TBC1D32: variants seen among roughly 807,000 people sequenced by gnomAD.
TBC1D32 encodes the protein TBC1 domain family member 32.
A neutral mutation model predicts 170.3 loss-of-function variants in TBC1D32; 151 were observed. The ratio of observed to expected loss-of-function variants is 0.89; its 90% CI spans 0.78 to 1.01. The LOEUF (loss-of-function observed/expected upper bound fraction) is 1.01. TBC1D32 is among the 50% of genes least tolerant of loss of function. The pLI is 0.00. For synonymous variants in TBC1D32, 498 were observed against 488.0 expected, an observed-to-expected ratio of 1.02 and a Z score of -0.27; for missense variants, 1,464 against 1,457.1, an observed-to-expected ratio of 1.00 and a Z score of -0.08.
At chr6:121,109,519 T>C (rs888933389) in intron 29 of TBC1D32, among the ~76,000 whole-genome samples, 1 of 152,156 alleles carries the variant, frequency 6.6e-6, no homozygotes, top group Non-Finnish European at 1.5e-5. Context: ...ATTTCTACTA[T>C]GAAAATAATT....
At chr6:121,212,550 G>A (rs959808842) in intron 21 of TBC1D32, among the ~76,000 whole-genome samples, 1 of 150,038 alleles carries the variant, frequency 6.7e-6, no homozygotes, top group Non-Finnish European at 1.5e-5. Context: ...TGCCTCCCAG[G>A]TTCAAGCAAT....
chr6:121,112,683 T>C (rs761845055), intron 28 of TBC1D32, 24 bp from the exon 29 acceptor site: 2 of 1,512,234 alleles, frequency 1.3e-6, no homozygotes, highest in South Asian at 2.9e-5. Flanking sequence ...TTAAGAAAAC[T>C]TTACAATATT....
intron 31 of TBC1D32, among the ~76,000 whole-genome samples, chr6:121,086,273 G>A (rs1776265694): frequency 1.3e-5 from 2 of 152,076 alleles, no homozygotes; most frequent in Admixed American, 1.3e-4. Flanking sequence ...ATGTACTCGA[G>A]CTCACACAGT....
intron 22 of TBC1D32, among the ~76,000 whole-genome samples, chr6:121,196,228 C>T (rs528805534): frequency 3.3e-5 from 5 of 152,300 alleles, no homozygotes; most frequent in Admixed American, 1.3e-4. Flanking sequence ...AAAGTGGCCA[C>T]TGTGGCAGGG....
rs552300971 is a variant in TBC1D32, at chr6:121,267,012, C to T, written c.1734-10727G>A. Among the ~76,000 whole-genome samples, 3 of 150,312 alleles carry T rather than the reference C, an allele frequency of 2.0e-5. No individual in the cohort carries two copies. The South Asian group carries it at 6.3e-4, about 32-fold the overall frequency. ...TGATATGTGCAGCAAACCATCATGGCACACATTTACCTATGTAACAAACAT... is the reference window on the plus strand; with the variant it reads ...TGATATGTGCAGCAAACCATCATGGTACACATTTACCTATGTAACAAACAT... On this transcript the variant is annotated intron_variant, in intron 15 of 31. Transcript: ENST00000398212.
chr6:121,259,467 T>A (rs1024709676), intron 15 of TBC1D32, among the ~76,000 whole-genome samples: 1 of 152,188 alleles, frequency 6.6e-6, no homozygotes, highest in Non-Finnish European at 1.5e-5. Flanking sequence ...TTAGTCTTCC[T>A]AATTTTAAAA....
intron 4 of TBC1D32, among the ~76,000 whole-genome samples, chr6:121,308,882 G>A (rs1395425917): frequency 9.2e-5 from 14 of 151,854 alleles, no homozygotes; most frequent in Admixed American, 8.5e-4. Flanking sequence ...AATGAAGAAT[G>A]GAACAAAGCT....
chr6:121,249,368 C>T (rs573306116), intron 17 of TBC1D32, among the ~76,000 whole-genome samples: 12 of 151,754 alleles, frequency 7.9e-5, no homozygotes, highest in Middle Eastern at 6.8e-3. Flanking sequence ...CATAGAGAAT[C>T]GGAAAAAGTT....
chr6:121,240,384 T>TTA (rs1796811135), intron 19 of TBC1D32, among the ~76,000 whole-genome samples: 1 of 144,700 alleles, frequency 6.9e-6, no homozygotes, highest in African/African-American at 2.5e-5. Flanking sequence ...TTTTTTTTTT[T>TTA]TACCAAGAAA....
At chr6:121,229,522 TA>T (rs1795473516) in intron 20 of TBC1D32, among the ~76,000 whole-genome samples, 1 of 152,144 alleles carries the variant, frequency 6.6e-6, no homozygotes, top group Non-Finnish European at 1.5e-5. Context: ...CAGCTGAATC[TA>T]AAGGCTTGAT....
At chr6:121,147,930 T>TTTG (rs1277674699) in intron 24 of TBC1D32, among the ~76,000 whole-genome samples, 1 of 151,572 alleles carries the variant, frequency 6.6e-6, no homozygotes, top group Non-Finnish European at 1.5e-5. Flanking sequence ...TTTTTTTTTT[T>TTTG]TTTGAGAAGT....
At chr6:121,289,848 A>C (rs1804542246) in intron 12 of TBC1D32, among the ~76,000 whole-genome samples, 1 of 152,170 alleles carries the variant, frequency 6.6e-6, no homozygotes, top group Admixed American at 6.5e-5. Context: ...AATGCCGCAT[A>C]TCTACAACCA....
Position 121,299,524 on chromosome 6 carries a change from G to T in TBC1D32, c.1081-19C>A, listed in dbSNP as rs372296297. ...GTGCATGCTAAAATTAAAAGGAAAT[G>T]ATATTTAATACTCAAGCTGTGCCAC... On this transcript the variant is annotated intron_variant, in intron 9 of 31. Coordinates refer to ENST00000398212, the MANE Select transcript of TBC1D32 (RefSeq NM_152730.6). 3.6e-5 allele frequency: 54 copies of T among 1,498,376 alleles called. No homozygotes were observed. The highest frequency in any genetic ancestry group is 4.3e-5 in the Non-Finnish European group (47 of 1,101,024). 92.8% of individuals were successfully genotyped at this position (1,498,376 alleles called of 1,614,324 possible). A position where few individuals can be genotyped will look rare whatever the true frequency, so the allele number is the denominator to read the frequency against.
chr6:121,329,155 A>G (rs1378177841), intron 1 of TBC1D32, among the ~76,000 whole-genome samples: 8 of 152,192 alleles, frequency 5.3e-5, no homozygotes, highest in Non-Finnish European at 1.0e-4. Context: ...GTAAAAGAAC[A>G]TTCACTTTTT....
chr6:121,125,386 G>A (rs750578095), intron 26 of TBC1D32, among the ~76,000 whole-genome samples: 5 of 152,162 alleles, frequency 3.3e-5, no homozygotes, highest in Admixed American at 6.5e-5. Context: ...ATGACTGTAA[G>A]CCCCAGATAG....
chr6:121,173,358 T>C (rs905025), intron 22 of TBC1D32, among the ~76,000 whole-genome samples: 107,088 of 151,946 alleles, frequency 0.7, 41,901 homozygotes, highest in Non-Finnish European at 0.87. Flanking sequence ...CACCTTATGA[T>C]TGCATGAGTC....
chr6:121,205,176 G>A lies in TBC1D32; in HGVS notation c.2482-13C>T. ...TATCAATAATATCCTGAAAAAGACA[G>A]ACAAAATGAGACTGTATTTAACTGA... On this transcript the variant is annotated splice_polypyrimidine_tract_variant and intron_variant, in intron 21 of 31. Transcript: ENST00000398212. The A allele has an allele frequency of 8.2e-7, 1 of 1,224,884 alleles. No individual in the cohort carries two copies. Among genetic ancestry groups the A allele is most frequent in the Non-Finnish European group, 1.1e-6 (1 of 877,138 alleles). 75.9% of individuals were successfully genotyped at this position (1,224,884 alleles called of 1,614,324 possible).
chr6:121,280,294 T>C (rs1213985529), intron 14 of TBC1D32, among the ~76,000 whole-genome samples: 2 of 151,842 alleles, frequency 1.3e-5, no homozygotes, highest in African/African-American at 4.8e-5. Flanking sequence ...TGTTTAAAGG[T>C]CTGTCTTGCC....
Position 121,304,576 on chromosome 6 carries a change from A to G in TBC1D32, c.819T>C (p.Thr273=). ...YFLSRENHIP[T]LSAGVDITNP... is the part of the protein sequence containing the mutation. ...TAGTTATATCTACACCAGCTGAAAG[A>G]GTAGGAATATGATTTTCCCTAGAAA... is the stretch of plus-strand genomic sequence containing the variant. The change falls in exon 7 of 32, where the codon ACT becomes ACC. Residue 273 remains threonine (T), a synonymous_variant. Coordinates refer to ENST00000398212, the MANE Select transcript of TBC1D32 (RefSeq NM_152730.6). 6.2e-7 allele frequency: 1 copy of G among 1,612,316 alleles called. No individual in the cohort carries two copies. Among genetic ancestry groups the G allele is most frequent in the Non-Finnish European group, 8.5e-7 (1 of 1,179,008 alleles).
Sources: gnomAD v4.1 joint callset for allele counts (sites outside exome capture counted in the v4.1 genomes callset) on GRCh38, gnomAD v4.1.1 for gene constraint, MANE v1.5 for transcripts, NCBI Gene and HGNC (gene_info 2026-07-23, HGNC 2026-07-21) for gene names.